The following SYPL2 variants were observed in gnomAD, a reference collection of about 807,000 sequenced individuals.
The protein encoded by SYPL2 is synaptophysin-like protein 2.
A neutral mutation model predicts 31.3 loss-of-function variants in SYPL2; 24 were observed. That is an observed-to-expected ratio of 0.77 (90% CI 0.56 to 1.08). The LOEUF is 1.08. SYPL2 is among the 50% of genes least tolerant of loss of function. SYPL2 has a pLI of 0.00. For synonymous variants in SYPL2, 144 were observed against 143.1 expected, an observed-to-expected ratio of 1.01 and a Z score of -0.05; for missense variants, 342 against 360.1, an observed-to-expected ratio of 0.95 and a Z score of 0.41.
chr1:109,476,708 G>A (rs1656006807), intron 3 of SYPL2, 68 bp from the exon 4 acceptor site: 2 of 1,513,298 alleles, frequency 1.3e-6, no homozygotes, highest in Non-Finnish European at 1.8e-6. Context: ...AACTAGCACA[G>A]GACTACTTCT....
intron 2 of SYPL2, among the ~76,000 whole-genome samples, chr1:109,472,271 C>T (rs1655858722): frequency 6.6e-6 from 1 of 151,972 alleles, no homozygotes; most frequent in Non-Finnish European, 1.5e-5. Flanking sequence ...TGTGCATCAC[C>T]ACACCTGGCT....
In SYPL2 at chr1:109,480,977, G is replaced by C. The variant is rs973843842; in HGVS notation, c.*1429G>C. 1 of 152,722 alleles carries C rather than the reference G, an allele frequency of 6.5e-6. No homozygotes were observed. The highest frequency in any genetic ancestry group is 2.4e-5 in the African/African-American group (1 of 41,460). 9.5% of individuals were successfully genotyped at this position (152,722 alleles called of 1,614,324 possible). ...AGGGCTTCCCAGGGAAGGAAGAAGAGGGAAGAATCCGACCACTTTCCAATC... is the reference window on the plus strand; with the variant it reads ...AGGGCTTCCCAGGGAAGGAAGAAGACGGAAGAATCCGACCACTTTCCAATC... On this transcript the variant is annotated 3_prime_UTR_variant, in exon 6 of 6. Coordinates refer to ENST00000369872, the MANE Select transcript of SYPL2 (RefSeq NM_001040709.2).
chr1:109,477,808 C>T lies in SYPL2; in HGVS notation c.457-10C>T. On this transcript the variant is annotated splice_polypyrimidine_tract_variant and intron_variant, in intron 4 of 5. Transcript: ENST00000369872. ...TCTGAGTGTATTTCCCATCCCTCTGCTCCTCCCAGGACTTCTGTGTGACTG... is the reference window on the plus strand; with the variant it reads ...TCTGAGTGTATTTCCCATCCCTCTGTTCCTCCCAGGACTTCTGTGTGACTG... 1 of 1,591,136 alleles carries T rather than the reference C, an allele frequency of 6.3e-7. No homozygotes were observed. Among genetic ancestry groups the T allele is most frequent in the Non-Finnish European group, 8.6e-7 (1 of 1,166,140 alleles).
rs193242383 is a variant in SYPL2 at position 109,481,074 on chromosome 1, C to T, written c.*1526C>T. The T allele has an allele frequency of 6.5e-6, 1 of 152,776 alleles. No individual in the cohort carries two copies. The highest frequency in any genetic ancestry group is 1.9e-4 in the East Asian group (1 of 5,180). 9.5% of individuals were successfully genotyped at this position (152,776 alleles called of 1,614,324 possible). On this transcript the variant is annotated 3_prime_UTR_variant, in exon 6 of 6. Coordinates refer to ENST00000369872, the MANE Select transcript of SYPL2 (RefSeq NM_001040709.2). ...TGCCAATCTCTCCTCAGGACTGAGTCAACCCCCTTCAACCTCCTCACCTCT... is the reference window on the plus strand; with the variant it reads ...TGCCAATCTCTCCTCAGGACTGAGTTAACCCCCTTCAACCTCCTCACCTCT...
chr1:109,478,508 T>C lies in SYPL2; in HGVS notation c.648+499T>C, dbSNP rs985802016. On this transcript the variant is annotated intron_variant, in intron 5 of 5. Coordinates refer to ENST00000369872, the MANE Select transcript of SYPL2 (RefSeq NM_001040709.2). The surrounding 1 kb of genome is among the most constrained non-coding windows in gnomAD (Gnocchi z 4.0). ...TTTGGCCATCCCAGTTGTTAGAATG[T>C]TGAAATATGTCCATATCCATTGGTA... Among the ~76,000 whole-genome samples, 2 of 152,204 alleles carry C rather than the reference T, an allele frequency of 1.3e-5. No individual in the cohort carries two copies. The highest frequency in any genetic ancestry group is 2.4e-5 in the African/African-American group (1 of 41,454).
chr1:109,476,898 T>C lies in SYPL2; in HGVS notation c.377T>C (p.Phe126Ser). ...TTCGTGACCCTTGGCATCTTTTCCT[T>C]CTTCTATACCATGGCTGCCCTAGTT... Reference protein sequence around the residue: ...EFFVTLGIFSFFYTMAALVIY... With the variant: ...EFFVTLGIFSSFYTMAALVIY... The change falls in exon 4 of 6, where the codon TTC (phenylalanine) becomes TCC (serine). Residue 126 changes from phenylalanine to serine, a missense_variant. Transcript: ENST00000369872. 6.2e-7 allele frequency: 1 copy of C among 1,614,144 alleles called. No homozygotes were observed. The highest frequency in any genetic ancestry group is 8.5e-7 in the Non-Finnish European group (1 of 1,179,994).
chr1:109,466,643 G>T lies in SYPL2; in HGVS notation c.-201G>T, dbSNP rs1415035666. On this transcript the variant is annotated 5_prime_UTR_variant, in exon 1 of 6. Transcript: ENST00000369872. ...GGGCACCGCGGCGGCCGCAGCCTCT[G>T]AGAGCACGAACAGCAGCGCCCCCGC... 2 of 458,898 alleles carry T rather than the reference G, an allele frequency of 4.4e-6. No homozygotes were observed. The highest frequency in any genetic ancestry group is 4.1e-5 in the African/African-American group (2 of 48,650). 28.4% of individuals were successfully genotyped at this position (458,898 alleles called of 1,614,324 possible).
chr1:109,478,240 T>C lies in SYPL2; in HGVS notation c.648+231T>C, dbSNP rs755947243. On this transcript the variant is annotated intron_variant, in intron 5 of 5. Transcript: ENST00000369872. The surrounding 1 kb of genome is among the most constrained non-coding windows in gnomAD (Gnocchi z 4.0). ...ACTTAGCCTTCTGTTCCTTCCTCCT[T>C]CTGCACTCTGCCTCCAATTCCCTTC... Among the ~76,000 whole-genome samples the C allele has an allele frequency of 2.6e-5, 4 of 152,234 alleles. No individual in the cohort carries two copies. The highest frequency in any genetic ancestry group is 7.2e-5 in the African/African-American group (3 of 41,464).
Position 109,480,145 on chromosome 1 carries a change from C to T in SYPL2, c.*597C>T, listed in dbSNP as rs1656120549. On this transcript the variant is annotated 3_prime_UTR_variant, in exon 6 of 6. Transcript: ENST00000369872. ...TCCACCATGTGTGAACCAGAGAGGT[C>T]CACCAGCCTAGAAAACAGCCCTTCA... 2 of 152,416 alleles carry T rather than the reference C, an allele frequency of 1.3e-5. No homozygotes were observed. The highest frequency in any genetic ancestry group is 4.8e-5 in the African/African-American group (2 of 41,444). 9.4% of individuals were successfully genotyped at this position (152,416 alleles called of 1,614,324 possible). A position where few individuals can be genotyped will look rare whatever the true frequency, so the allele number is the denominator to read the frequency against.
Position 109,481,327 on chromosome 1 carries a change from ACT to A in SYPL2, c.*1784_*1785del, listed in dbSNP as rs1432413209. ...GGGTGAGAGGGTTTTTAAGTCTGAA[ACT>A]CTCTGTCATGAGCTGTCCCCATGGT... On this transcript the variant is annotated 3_prime_UTR_variant, in exon 6 of 6. Coordinates refer to ENST00000369872, the MANE Select transcript of SYPL2 (RefSeq NM_001040709.2). The A allele has an allele frequency of 1.3e-5, 2 of 152,464 alleles. No individual in the cohort carries two copies. The highest frequency in any genetic ancestry group is 1.9e-4 in the East Asian group (1 of 5,184). 9.4% of individuals were successfully genotyped at this position (152,464 alleles called of 1,614,324 possible).
In SYPL2 at chr1:109,475,564, G is replaced by C; in HGVS notation, c.130-17G>C. The stretch of plus-strand genomic sequence containing the variant: ...TTGAGGCCTTCTGACTCTCAAAGAG[G>C]CTTCACTCTCTCTCAGCTCTTTGCT... On this transcript the variant is annotated splice_polypyrimidine_tract_variant and intron_variant, in intron 2 of 5. Transcript: ENST00000369872. 2 of 1,612,274 alleles carry C rather than the reference G, an allele frequency of 1.2e-6. No homozygotes were observed. The highest frequency in any genetic ancestry group is 1.7e-6 in the Non-Finnish European group (2 of 1,178,566).
chr1:109,476,805 T>G lies in SYPL2; in HGVS notation c.284T>G (p.Leu95Arg). 1 of 1,614,134 alleles carries G rather than the reference T, an allele frequency of 6.2e-7. No individual in the cohort carries two copies. Among genetic ancestry groups the G allele is most frequent in the Middle Eastern group, 1.6e-4 (1 of 6,062 alleles). ...CACCGGATCCAATATGAGATGCCCC[T>G]CTGCGATGAAGAGTCCAGCTCCAAG... The part of the protein sequence containing the change: ...RLHRIQYEMP[L>R]CDEESSSKTM... The change falls in exon 4 of 6, where the codon CTC becomes CGC. Residue 95 changes from leucine (L) to arginine (R), a missense_variant. Coordinates refer to ENST00000369872, the MANE Select transcript of SYPL2 (RefSeq NM_001040709.2).
chr1:109,473,036 G>A (rs1358291772), intron 2 of SYPL2, among the ~76,000 whole-genome samples: 1 of 152,092 alleles, frequency 6.6e-6, no homozygotes, highest in Non-Finnish European at 1.5e-5. Flanking sequence ...ATCCAGTTCT[G>A]GGCACCAGAA....
At chr1:109,477,400 T>G (rs1233495169) in intron 4 of SYPL2, among the ~76,000 whole-genome samples, 1 of 152,220 alleles carries the variant, frequency 6.6e-6, no homozygotes, top group Non-Finnish European at 1.5e-5. Flanking sequence ...CTTTACTCTC[T>G]TCCTATCCCA....
At position 109,466,694 on chromosome 1, in the gene SYPL2, T is replaced by G; in HGVS notation, c.-150T>G. 16 of 761,362 alleles carry G rather than the reference T, an allele frequency of 2.1e-5. No individual in the cohort carries two copies. Among genetic ancestry groups the G allele is most frequent in the Non-Finnish European group, 2.4e-5 (13 of 542,448 alleles). The allele number at this position is 761,362 out of a possible 1,614,324, so 47.2% of individuals were successfully genotyped here. Reference sequence around the variant, plus strand: ...GTCCCAGCCAGCCAGCCAGCCAGACTGGACTCCGGCCCACCGACGGCCGCT... The same window carrying G: ...GTCCCAGCCAGCCAGCCAGCCAGACGGGACTCCGGCCCACCGACGGCCGCT... On this transcript the variant is annotated 5_prime_UTR_variant, in exon 1 of 6. Coordinates refer to ENST00000369872, the MANE Select transcript of SYPL2 (RefSeq NM_001040709.2).
At chr1:109,469,547 A>T (rs1009281212) in intron 2 of SYPL2, among the ~76,000 whole-genome samples, 1 of 133,508 alleles carries the variant, frequency 7.5e-6, no homozygotes, top group African/African-American at 2.7e-5. Flanking sequence ...ATAAAAAAGA[A>T]AAGAAAAGAA....
Position 109,478,183 on chromosome 1 carries a change from G to T in SYPL2, c.648+174G>T. On this transcript the variant is annotated intron_variant, in intron 5 of 5. Transcript: ENST00000369872. This position sits in a 1 kb window ranked among gnomAD's most constrained non-coding sequence, Gnocchi z 4.0. ...TGCTGGCTCCTGGCTGACCCTGAGA[G>T]GACATTTTGGGATGAGGGGAACCCA... The T allele has an allele frequency of 7.2e-7, 1 of 1,395,306 alleles. No individual in the cohort carries two copies. Among genetic ancestry groups the T allele is most frequent in the African/African-American group, 1.5e-5 (1 of 68,844 alleles). 86.4% of individuals were successfully genotyped at this position (1,395,306 alleles called of 1,614,324 possible).
At chr1:109,475,485 G>A (rs1449705516) in intron 2 of SYPL2, 96 bp from the exon 3 acceptor site, 17 of 1,495,008 alleles carry the variant, frequency 1.1e-5, no homozygotes, top group South Asian at 5.2e-5. Context: ...CCCCACTCCC[G>A]CACTTAATGT....
intron 2 of SYPL2, among the ~76,000 whole-genome samples, chr1:109,471,465 C>T (rs564516643): frequency 6.6e-6 from 1 of 152,296 alleles, no homozygotes; most frequent in East Asian, 1.9e-4. Flanking sequence ...CGTTTAGACA[C>T]AGCAGAACTT....
Sources: gnomAD v4.1 joint callset for allele counts (sites outside exome capture counted in the v4.1 genomes callset) on GRCh38, gnomAD v4.1.1 for gene constraint, Gnocchi (gnomAD v3.1) non-coding constraint, MANE v1.5 for transcripts, NCBI Gene and HGNC (gene_info 2026-07-23, HGNC 2026-07-21) for gene names.